Variants in DIAPH3 observed in about 807,000 individuals in gnomAD.
The protein encoded by DIAPH3 is diaphanous related formin 3, also known as protein diaphanous homolog 3.
Under a neutral mutation model 144.3 loss-of-function variants are expected in DIAPH3, and 117 were observed. The observed-to-expected ratio is 0.81, with a 90% CI of 0.70 to 0.95. The LOEUF (loss-of-function observed/expected upper bound fraction) is 0.95. DIAPH3 is among the 40% of genes least tolerant of loss of function. The pLI is 0.00. For synonymous variants in DIAPH3, 519 were observed against 488.9 expected, an observed-to-expected ratio of 1.06 and a Z score of -0.81; for missense variants, 1,421 against 1,412.7, an observed-to-expected ratio of 1.01 and a Z score of -0.09.
intron 4 of DIAPH3, among the ~76,000 whole-genome samples, chr13:60,048,129 T>C (rs985967734): frequency 2.6e-5 from 4 of 152,196 alleles, no homozygotes; most frequent in East Asian, 1.9e-4. Context: ...ACCATTTTTA[T>C]AGTGAGCAGT....
At chr13:59,728,797 T>C (rs831706) in intron 27 of DIAPH3, among the ~76,000 whole-genome samples, 92,849 of 151,966 alleles carry the variant, frequency 0.61, 28,821 homozygotes, top group East Asian at 0.7. Flanking sequence ...AAAGTACTTA[T>C]GTAGATGAAT....
At chr13:59,967,153 G>C (rs1342200507) in intron 17 of DIAPH3, among the ~76,000 whole-genome samples, 1 of 151,958 alleles carries the variant, frequency 6.6e-6, no homozygotes, top group Non-Finnish European at 1.5e-5. Flanking sequence ...TGCAACCTCT[G>C]CCTCCCAGGT....
intron 1 of DIAPH3, chr13:60,153,258 T>C (rs1951883350): frequency 6.6e-6 from 1 of 152,052 alleles, no homozygotes; most frequent in African/African-American, 2.4e-5. Context: ...CACCCACAGG[T>C]ATGGAAAATT....
intron 17 of DIAPH3, among the ~76,000 whole-genome samples, chr13:59,968,285 T>C (rs926787757): frequency 2.0e-5 from 3 of 151,976 alleles, no homozygotes; most frequent in Non-Finnish European, 4.4e-5. Flanking sequence ...AAAAAGAGAG[T>C]AGCTGTATGG....
rs770692494 is a variant in DIAPH3, at chr13:59,810,842, G to A, written c.3109C>T (p.Arg1037Ter). The A allele has an allele frequency of 4.3e-6, 7 of 1,613,278 alleles. No individual in the cohort carries two copies. The highest frequency in any genetic ancestry group is 4.5e-5 in the East Asian group (2 of 44,798). The change falls in exon 25 of 28, where the codon CGA (arginine) becomes TGA (stop). Residue 1037 changes from arginine to a stop codon, truncating the protein, a stop_gained. Coordinates refer to ENST00000400324, the MANE Select transcript of DIAPH3 (RefSeq NM_001042517.2). LOFTEE classifies it high-confidence loss of function. ...RVRIAKELAE[R>*]ERLERQQKKK... The stretch of plus-strand genomic sequence containing the variant: ...TTTTGTTGGCGTTCGAGTCTTTCTC[G>A]CTCTGCTAATTCTTTAGCTATTCTG...
rs186807985 is a variant in DIAPH3, at chr13:59,964,840, T to C, written c.2074+5104A>G. ...GTCCCTAGAGAAATATTTCATTCTCTACTGACTTTCTCCCCAATCTTTCCA... is the reference window on the plus strand; with the variant it reads ...GTCCCTAGAGAAATATTTCATTCTCCACTGACTTTCTCCCCAATCTTTCCA... On this transcript the variant is annotated intron_variant, in intron 17 of 27. Coordinates refer to ENST00000400324, the MANE Select transcript of DIAPH3 (RefSeq NM_001042517.2). Among the ~76,000 whole-genome samples, 156 of 152,292 alleles carry C rather than the reference T, an allele frequency of 1.0e-3. 2 individuals carry two copies. The highest frequency in any genetic ancestry group is 1.3e-3 in the Non-Finnish European group (90 of 68,000).
rs779424865 is a variant in DIAPH3, at chr13:59,970,845, C to A, written c.1959+7G>T. The A allele has an allele frequency of 2.5e-6, 4 of 1,608,932 alleles. No individual in the cohort carries two copies. Among genetic ancestry groups the A allele is most frequent in the South Asian group, 1.1e-5 (1 of 90,646 alleles). On this transcript the variant is annotated splice_region_variant and intron_variant, in intron 16 of 27. Transcript: ENST00000400324. ...TAAAAGTATTTTCCTCTATTAATTTCTTTTACCTTTAACCAATTCAATCTT... is the reference window on the plus strand; with the variant it reads ...TAAAAGTATTTTCCTCTATTAATTTATTTTACCTTTAACCAATTCAATCTT...
At position 59,971,868 on chromosome 13, in the gene DIAPH3, C is replaced by T. The variant is rs552444027; in HGVS notation, c.1651-708G>A. On this transcript the variant is annotated intron_variant, in intron 15 of 27. Transcript: ENST00000400324. ...CCTCTGCCTGGAACATTCTCTTCAC[C>T]TGACCATCTCCTACTAGCCTCTTCA... is the stretch of plus-strand genomic sequence containing the variant. 1.6e-4 allele frequency among the ~76,000 whole-genome samples: 24 copies of T among 152,300 alleles called. 1 individual carries two copies. The highest frequency in any genetic ancestry group is 5.8e-4 in the African/African-American group (24 of 41,570).
At chr13:60,061,071 A>AG (rs1285977043) in intron 4 of DIAPH3, among the ~76,000 whole-genome samples, 1 of 152,076 alleles carries the variant, frequency 6.6e-6, no homozygotes, top group Admixed American at 6.6e-5. Context: ...TGGGAGCAGA[A>AG]GGGAAGATGT....
At chr13:60,052,970 A>AAAAAAAAAAAG (rs1295378851) in intron 4 of DIAPH3, among the ~76,000 whole-genome samples, 1 of 147,208 alleles carries the variant, frequency 6.8e-6, no homozygotes, top group Non-Finnish European at 1.5e-5. Flanking sequence ...AAAAAAAAAA[A>AAAAAAAAAAAG]AAAAAAAAAA....
chr13:60,043,397 G>A (rs2055833712), intron 4 of DIAPH3, among the ~76,000 whole-genome samples: 1 of 152,136 alleles, frequency 6.6e-6, no homozygotes, highest in African/African-American at 2.4e-5. Context: ...AACAGATCAG[G>A]GAAGCTTGCA....
At chr13:59,966,028 C>T (rs1250554294) in intron 17 of DIAPH3, among the ~76,000 whole-genome samples, 1 of 152,018 alleles carries the variant, frequency 6.6e-6, no homozygotes, top group Non-Finnish European at 1.5e-5. Context: ...TAAGATGTCT[C>T]CCAAAAACTT....
chr13:60,135,530 C>T (rs576530581), intron 1 of DIAPH3, among the ~76,000 whole-genome samples: 2 of 152,248 alleles, frequency 1.3e-5, no homozygotes, highest in Non-Finnish European at 2.9e-5. Flanking sequence ...ATTCATCATT[C>T]CTTCTCTTCC....
intron 22 of DIAPH3, among the ~76,000 whole-genome samples, chr13:59,843,686 GATTATTTGCAC>G (rs1444251846): frequency 2.0e-5 from 3 of 152,172 alleles, no homozygotes; most frequent in East Asian, 1.9e-4. Context: ...AGAAGTCTCT[GATTATTTGCAC>G]ATTATTTGCA....
chr13:60,049,580 T>C (rs549184116), intron 4 of DIAPH3, among the ~76,000 whole-genome samples: 84 of 152,344 alleles, frequency 5.5e-4, no homozygotes, highest in African/African-American at 1.8e-3. Context: ...AAAAGGCCTC[T>C]CGTGAGCCAC....
chr13:59,928,724 G>A (rs995251518), intron 17 of DIAPH3, among the ~76,000 whole-genome samples: 1 of 152,134 alleles, frequency 6.6e-6, no homozygotes, highest in Non-Finnish European at 1.5e-5. Context: ...TCATAGTGAT[G>A]AAGATGAAGA....
chr13:59,764,980 A>G (rs900839666), intron 27 of DIAPH3, among the ~76,000 whole-genome samples: 2 of 152,002 alleles, frequency 1.3e-5, no homozygotes, highest in Non-Finnish European at 2.9e-5. Flanking sequence ...TCCCATGTCT[A>G]CATATTGTTG....
At chr13:60,088,234 T>C (rs1371941881) in intron 4 of DIAPH3, among the ~76,000 whole-genome samples, 1 of 152,024 alleles carries the variant, frequency 6.6e-6, no homozygotes, top group East Asian at 1.9e-4. Flanking sequence ...CTCTACTAAG[T>C]ATTCTTGGAG....
chr13:59,778,910 CT>C (rs1259989388), intron 25 of DIAPH3, among the ~76,000 whole-genome samples: 4 of 152,284 alleles, frequency 2.6e-5, no homozygotes, highest in Middle Eastern at 3.4e-3. Context: ...AGTTCCAACT[CT>C]TTTTTTCATT....
Sources: allele counts gnomAD v4.1 joint callset (sites outside exome capture counted in the v4.1 genomes callset), GRCh38; gene constraint gnomAD v4.1.1; transcripts MANE v1.5; gene names NCBI Gene and HGNC (gene_info 2026-07-23, HGNC 2026-07-21).